The following EZH2 variants were observed in gnomAD, a reference collection of about 807,000 sequenced individuals.
EZH2 encodes enhancer of zeste 2 polycomb repressive complex 2 subunit.
A neutral mutation model predicts 98.4 loss-of-function variants in EZH2; 18 were observed. That is an observed-to-expected ratio of 0.18 (90% CI 0.13 to 0.27). The LOEUF (loss-of-function observed/expected upper bound fraction) is 0.27, where lower values mean the gene tolerates loss of function less well. Among genes scored for constraint, EZH2 ranks in the 10% least tolerant of loss-of-function variants. EZH2 has a pLI of 1.00. For synonymous variants in EZH2, 338 were observed against 312.3 expected (o/e 1.08, Z -0.87); for missense variants, 470 against 935.1 (o/e 0.50, Z 6.49).
In EZH2 at chr7:148,846,487, A is replaced by G. The variant is rs375321688; in HGVS notation, c.229T>C (p.Leu77=). The stretch of plus-strand genomic sequence containing the variant: ...TAACCAACCTCCCTAGTCCCGCGCA[A>G]TGAGCTCACAGAAGTCAGGATGTGC... ...PVHILTSVSS[L]RGTRECSVTS... is the part of the protein sequence containing the mutation. The change falls in exon 3 of 20, where the codon TTG becomes CTG. Residue 77 remains leucine (L), a synonymous_variant. Transcript: ENST00000320356. The G allele has an allele frequency of 2.5e-6, 4 of 1,613,566 alleles. No homozygotes were observed. The highest frequency in any genetic ancestry group is 2.7e-5 in the African/African-American group (2 of 74,930).
chr7:148,830,297 G>A (rs970164195), intron 4 of EZH2, among the ~76,000 whole-genome samples: 2 of 152,174 alleles, frequency 1.3e-5, no homozygotes, highest in African/African-American at 4.8e-5. Flanking sequence ...TGGGATAACA[G>A]GTGTCTGACA....
At chr7:148,839,287 A>T (rs902435978) in intron 3 of EZH2, among the ~76,000 whole-genome samples, 2 of 152,196 alleles carry the variant, frequency 1.3e-5, no homozygotes, top group African/African-American at 4.8e-5. Flanking sequence ...GTGTTGAAAC[A>T]ACCAGGAAAC....
chr7:148,813,820 T>C (rs1189999982), intron 15 of EZH2, 139 bp downstream of exon 15: 1 of 870,626 alleles, frequency 1.1e-6, no homozygotes, highest in Admixed American at 2.9e-5. Context: ...GAGAAAATTA[T>C]GAACACTTTC....
intron 3 of EZH2, among the ~76,000 whole-genome samples, chr7:148,844,713 T>G (rs1813522742): frequency 6.6e-6 from 1 of 152,238 alleles, no homozygotes; most frequent in Non-Finnish European, 1.5e-5. Context: ...TATCTTTATA[T>G]TCAACGATTT....
Position 148,817,231 on chromosome 7 carries a change from T to C in EZH2, c.1401A>G (p.Thr467=). Residue 467 remains threonine, a synonymous_variant, in exon 11 of 20, where the codon ACA becomes ACG. Transcript: ENST00000320356. The stretch of plus-strand genomic sequence containing the variant: ...TTATCGGATATCTTACCTGTCTACA[T>C]GTTTTGGTCCCAATTAACCTAGCAA... ...CAIARLIGTK[T]CRQVYEFRVK... 5.0e-6 allele frequency: 8 copies of C among 1,613,436 alleles called. No homozygotes were observed. The highest frequency in any genetic ancestry group is 6.8e-6 in the Non-Finnish European group (8 of 1,179,848).
At chr7:148,810,982 C>CA (rs1802901463) in intron 16 of EZH2, among the ~76,000 whole-genome samples, 1 of 150,722 alleles carries the variant, frequency 6.6e-6, no homozygotes, top group South Asian at 2.1e-4. Context: ...ACACTGTCGA[C>CA]AATTTAAAAG....
At chr7:148,877,618 T>C (rs889706833) in intron 1 of EZH2, among the ~76,000 whole-genome samples, 2 of 152,112 alleles carry the variant, frequency 1.3e-5, no homozygotes, top group Admixed American at 6.6e-5. Context: ...CAGACACAAA[T>C]TGGTAGCTCA....
At chr7:148,829,002 G>C in intron 5 of EZH2, 122 bp from the exon 6 acceptor site, 1 of 960,048 alleles carries the variant, frequency 1.0e-6, no homozygotes, top group Middle Eastern at 2.7e-4. Context: ...CATTATTATT[G>C]AAATGAGGGG....
intron 3 of EZH2, among the ~76,000 whole-genome samples, chr7:148,845,615 T>TA (rs1328834696): frequency 6.6e-6 from 1 of 152,246 alleles, no homozygotes; most frequent in Admixed American, 6.5e-5. Flanking sequence ...TGTTGCTTGT[T>TA]ACAATAATGT....
intron 4 of EZH2, among the ~76,000 whole-genome samples, chr7:148,830,160 T>C (rs1011755018): frequency 6.6e-6 from 1 of 152,178 alleles, no homozygotes; most frequent in Non-Finnish European, 1.5e-5. Context: ...ATGCTCTAGA[T>C]TATGAGAAGA....
intron 1 of EZH2, among the ~76,000 whole-genome samples, chr7:148,880,606 T>C (rs1355835017): frequency 2.0e-5 from 3 of 152,212 alleles, no homozygotes; most frequent in South Asian, 2.1e-4. Flanking sequence ...TAGGAAAAAC[T>C]TGGAACTTGT....
At chr7:148,858,719 A>G (rs1817223465) in intron 1 of EZH2, among the ~76,000 whole-genome samples, 1 of 152,128 alleles carries the variant, frequency 6.6e-6, no homozygotes, top group Admixed American at 6.5e-5. Flanking sequence ...TTTTGTAGAG[A>G]AAGTGTCTCA....
intron 1 of EZH2, among the ~76,000 whole-genome samples, chr7:148,867,668 C>A (rs1818740111): frequency 6.6e-6 from 1 of 152,180 alleles, no homozygotes; most frequent in Non-Finnish European, 1.5e-5. Context: ...TTGAATTTCT[C>A]CCCAGAAAGT....
chr7:148,849,310 A>G (rs1372411312), intron 1 of EZH2, among the ~76,000 whole-genome samples: 1 of 152,238 alleles, frequency 6.6e-6, no homozygotes, highest in Non-Finnish European at 1.5e-5. Flanking sequence ...TTCAAAAGGC[A>G]AAGAAAGAAC....
intron 3 of EZH2, among the ~76,000 whole-genome samples, chr7:148,841,232 T>C (rs1325462994): frequency 2.0e-5 from 3 of 152,046 alleles, no homozygotes; most frequent in Admixed American, 6.5e-5. Flanking sequence ...TTATATTAGT[T>C]TCTGCTCACA....
intron 3 of EZH2, among the ~76,000 whole-genome samples, chr7:148,833,197 G>A (rs1176984972): frequency 4.6e-5 from 7 of 152,192 alleles, no homozygotes; most frequent in Middle Eastern, 3.4e-3. Context: ...GGTGGCTCAC[G>A]CCTGTAATCC....
At chr7:148,856,928 C>A (rs547711264) in intron 1 of EZH2, among the ~76,000 whole-genome samples, 6 of 152,178 alleles carry the variant, frequency 3.9e-5, no homozygotes, top group Non-Finnish European at 8.8e-5. Flanking sequence ...TCCCCCTGAG[C>A]GTGAGCTAGA....
intron 1 of EZH2, chr7:148,876,138 T>G (rs1820132491): frequency 6.6e-6 from 1 of 152,088 alleles, no homozygotes; most frequent in African/African-American, 2.4e-5. Context: ...ACTACAAAAA[T>G]TAGCTGGGTG....
intron 1 of EZH2, among the ~76,000 whole-genome samples, chr7:148,856,778 T>C (rs985052991): frequency 6.6e-6 from 1 of 152,080 alleles, no homozygotes; most frequent in Non-Finnish European, 1.5e-5. Flanking sequence ...TATAACAGAA[T>C]AAAATAATTA....
Sources: allele counts gnomAD v4.1 joint callset (sites outside exome capture counted in the v4.1 genomes callset), GRCh38; gene constraint gnomAD v4.1.1; transcripts MANE v1.5; gene names NCBI Gene and HGNC (gene_info 2026-07-23, HGNC 2026-07-21).